FYCO1: variants seen among roughly 807,000 people sequenced by gnomAD.
FYCO1 encodes the protein FYVE and coiled-coil domain-containing protein 1.
Under a neutral mutation model 165.1 loss-of-function variants are expected in FYCO1, and 122 were observed. That is an observed-to-expected ratio of 0.74 (90% confidence interval 0.64 to 0.86). The LOEUF is 0.86. FYCO1 is among the 40% of genes least tolerant of loss of function. The pLI is 0.00. For synonymous variants in FYCO1, 648 were observed against 742.5 expected (o/e 0.87, Z 2.07); for missense variants, 1,702 against 1,810.3 (o/e 0.94, Z 1.09).
At chr3:45,946,956 T>A in intron 14 of FYCO1, 1 of 1,614,228 alleles carries the variant, frequency 6.2e-7, no homozygotes, top group Middle Eastern at 1.6e-4. Flanking sequence ...CTGGGTGATA[T>A]CCCTGCTGGT....
At chr3:45,921,920 T>A in intron 17 of FYCO1, 80 bp from the exon 18 acceptor site, 1 of 863,244 alleles carries the variant, frequency 1.2e-6, no homozygotes, top group Non-Finnish European at 2.0e-6. Flanking sequence ...CTGAGGCCTC[T>A]GTGGTCACTG....
intron 1 of FYCO1, among the ~76,000 whole-genome samples, chr3:45,986,812 G>A (rs560056659): frequency 4.6e-5 from 7 of 152,260 alleles, no homozygotes; most frequent in Admixed American, 1.3e-4. Context: ...GGGACCAGCC[G>A]GGGCCCTAGA....
intron 14 of FYCO1, among the ~76,000 whole-genome samples, chr3:45,942,343 G>A (rs1449460760): frequency 6.6e-6 from 1 of 152,192 alleles, no homozygotes; most frequent in Non-Finnish European, 1.5e-5. Flanking sequence ...ATCCAGCATA[G>A]GGCCAGGCTT....
At chr3:45,987,339 C>T (rs890042091) in intron 1 of FYCO1, among the ~76,000 whole-genome samples, 1 of 152,106 alleles carries the variant, frequency 6.6e-6, no homozygotes, top group Admixed American at 6.5e-5. Context: ...CAAACATACA[C>T]TTGTCACAAC....
rs3733103 is a variant in FYCO1 at position 45,921,103 on chromosome 3, C to G, written c.*662G>C. The G allele has an allele frequency of 0.35, 56,560 of 160,918 alleles. 11,669 individuals carry two copies. The highest frequency in any genetic ancestry group is 0.64 in the East Asian group (3,565 of 5,598). 10.0% of individuals were successfully genotyped at this position (160,918 alleles called of 1,614,324 possible). On this transcript the variant is annotated 3_prime_UTR_variant, in exon 18 of 18. Transcript: ENST00000296137. ...AGGGCTTTATTTGAGGACAGAATCA[C>G]CCAGACAAAAGGGCCAGAAAGAGAG... is the stretch of plus-strand genomic sequence containing the variant.
chr3:45,986,381 C>T (rs1406359342), intron 1 of FYCO1, among the ~76,000 whole-genome samples: 1 of 152,160 alleles, frequency 6.6e-6, no homozygotes, highest in Non-Finnish European at 1.5e-5. Flanking sequence ...CCTCGTGGCT[C>T]CAGGAGTCCA....
Position 45,919,996 on chromosome 3 carries a change from C to T in FYCO1, c.*1769G>A, listed in dbSNP as rs1703035952. ...TGGCTTTCTGCCAGAAGAGGCTGCTCCAAGGAAGCCGAATGCAAGAGGCCC... is the reference window on the plus strand; with the variant it reads ...TGGCTTTCTGCCAGAAGAGGCTGCTTCAAGGAAGCCGAATGCAAGAGGCCC... On this transcript the variant is annotated 3_prime_UTR_variant, in exon 18 of 18. Transcript: ENST00000296137. 1 of 152,222 alleles carries T rather than the reference C, an allele frequency of 6.6e-6. No homozygotes were observed. Among genetic ancestry groups the T allele is most frequent in the African/African-American group, 2.4e-5 (1 of 41,444 alleles). The allele number at this position is 152,222 out of a possible 1,614,324, so 9.4% of individuals were successfully genotyped here.
At chr3:45,970,780 T>C (rs961207271) in intron 6 of FYCO1, among the ~76,000 whole-genome samples, 3 of 151,844 alleles carry the variant, frequency 2.0e-5, no homozygotes, top group Admixed American at 6.6e-5. Flanking sequence ...TATAAACAGA[T>C]ACAAAATCTC....
chr3:45,931,234 C>T lies in FYCO1; in HGVS notation c.4088G>A (p.Gly1363Asp). The change falls in exon 16 of 18, where the codon GGT becomes GAT. Residue 1363 changes from glycine (G) to aspartate (D), a missense_variant. By Grantham distance (94) the Gly-to-Asp change is moderately conservative (BLOSUM62 -1). Coordinates refer to ENST00000296137, the MANE Select transcript of FYCO1 (RefSeq NM_024513.4). ...GGACCTCACAAACAGCTCCCTGCTA[C>T]CCTCCCCGAAGCTGGCGATCTCATC... Reference protein sequence around the residue: ...TVDEIASFGEGSRELFVRSST... With the variant: ...TVDEIASFGEDSRELFVRSST... 2.5e-6 allele frequency: 4 copies of T among 1,613,990 alleles called. No individual in the cohort carries two copies. Among genetic ancestry groups the T allele is most frequent in the Non-Finnish European group, 3.4e-6 (4 of 1,179,962 alleles).
intron 4 of FYCO1, among the ~76,000 whole-genome samples, chr3:45,975,916 G>A (rs546646260): frequency 3.7e-4 from 57 of 152,344 alleles, no homozygotes; most frequent in African/African-American, 1.2e-3. Context: ...GGGCAGAGGT[G>A]CGTGAGTGCG....
At position 45,966,728 on chromosome 3, in the gene FYCO1, T is replaced by A; in HGVS notation, c.2606A>T (p.Glu869Val). The change falls in exon 8 of 18, where the codon GAG becomes GTG. Residue 869 changes from glutamate to valine, a missense_variant. Coordinates refer to ENST00000296137, the MANE Select transcript of FYCO1 (RefSeq NM_024513.4). ...CAGCTCCTCCTGCAGGGCCCGCAGC[T>A]CCTCCTCCCTCTGCTGGGCCTCATC... ...RADEAQQREE[E>V]LRALQEELSQ... 1 of 1,612,138 alleles carries A rather than the reference T, an allele frequency of 6.2e-7. No individual in the cohort carries two copies. The highest frequency in any genetic ancestry group is 1.3e-5 in the African/African-American group (1 of 75,030).
chr3:45,981,445 A>T (rs1017923932), intron 3 of FYCO1, 125 bp downstream of exon 3: 32 of 714,976 alleles, frequency 4.5e-5, no homozygotes, highest in Non-Finnish European at 7.9e-5. Context: ...CTGACCTTCA[A>T]TCTAACCACG....
chr3:45,918,662 A>G lies in FYCO1; in HGVS notation c.*3103T>C, dbSNP rs1702992465. 1 of 152,042 alleles carries G rather than the reference A, an allele frequency of 6.6e-6. No individual in the cohort carries two copies. Among genetic ancestry groups the G allele is most frequent in the South Asian group, 2.1e-4 (1 of 4,812 alleles). 9.4% of individuals were successfully genotyped at this position (152,042 alleles called of 1,614,324 possible). On this transcript the variant is annotated 3_prime_UTR_variant, in exon 18 of 18. Transcript: ENST00000296137. ...CACAGGCTCTGTGATTTCATCCCCA[A>G]CTGGCGATTTCCTTTCATTTGGGCC...
chr3:45,925,955 A>T (rs1703301357), intron 16 of FYCO1, among the ~76,000 whole-genome samples: 1 of 152,220 alleles, frequency 6.6e-6, no homozygotes, highest in South Asian at 2.1e-4. Context: ...CAACAATAAC[A>T]ACAACAAAAA....
intron 14 of FYCO1, among the ~76,000 whole-genome samples, chr3:45,949,914 T>A (rs1704897921): frequency 6.6e-6 from 1 of 152,210 alleles, no homozygotes; most frequent in Admixed American, 6.5e-5. Flanking sequence ...TTGGAGTAGA[T>A]GTCAGTTTAC....
chr3:45,989,921 G>T (rs1707489866), intron 1 of FYCO1, among the ~76,000 whole-genome samples: 1 of 152,176 alleles, frequency 6.6e-6, no homozygotes, highest in Non-Finnish European at 1.5e-5. Context: ...ACGCTGTGGG[G>T]CTGAGAAAAT....
intron 4 of FYCO1, among the ~76,000 whole-genome samples, chr3:45,978,020 A>G (rs1465288525): frequency 6.6e-6 from 1 of 152,210 alleles, no homozygotes; most frequent in African/African-American, 2.4e-5. Context: ...CCACTAAAAC[A>G]CCAACATTCA....
At chr3:45,970,664 T>C (rs1706370935) in intron 6 of FYCO1, among the ~76,000 whole-genome samples, 1 of 152,100 alleles carries the variant, frequency 6.6e-6, no homozygotes, top group Non-Finnish European at 1.5e-5. Context: ...ACTGTTAGCA[T>C]AAAAGCAGCC....
chr3:45,956,674 T>C (rs1321084679), intron 13 of FYCO1, among the ~76,000 whole-genome samples: 1 of 152,184 alleles, frequency 6.6e-6, no homozygotes, highest in Non-Finnish European at 1.5e-5. Flanking sequence ...CTCCTGAACC[T>C]GCCTTGTAAG....
Sources: allele counts gnomAD v4.1 joint callset (sites outside exome capture counted in the v4.1 genomes callset), GRCh38; gene constraint gnomAD v4.1.1; transcripts MANE v1.5; gene names NCBI Gene and HGNC (gene_info 2026-07-23, HGNC 2026-07-21).